Variants in KPNA2 observed in about 807,000 individuals in gnomAD.
KPNA2 encodes karyopherin subunit alpha 2, also known as importin subunit alpha-1.
KPNA2 carries 20 observed loss-of-function variants against 53.7 expected under a neutral mutation model. The observed-to-expected ratio is 0.37, with a 90% CI of 0.26 to 0.54. The LOEUF (loss-of-function observed/expected upper bound fraction) is 0.54, where lower values mean the gene tolerates loss of function less well. Ranked by LOEUF, KPNA2 falls within the 20% of genes least tolerant of loss-of-function variation. The pLI is 0.83. For missense variants in KPNA2, 515 were observed against 640.3 expected, an observed-to-expected ratio of 0.80 and a Z score of 2.11; for synonymous variants, 238 against 227.5, an observed-to-expected ratio of 1.05 and a Z score of -0.42.
In KPNA2 at chr17:68,044,085, A is replaced by G; in HGVS notation, c.1164+14A>G. ...GTTCTCTCTAAGGTAACGAAGTCTT[A>G]GGATTTAATCAAGTCATTTTTAGTA... On this transcript the variant is annotated intron_variant, in intron 8 of 10. Coordinates refer to ENST00000330459, the MANE Select transcript of KPNA2 (RefSeq NM_002266.4). 1 of 1,582,200 alleles carries G rather than the reference A, an allele frequency of 6.3e-7. No homozygotes were observed. The highest frequency in any genetic ancestry group is 2.2e-5 in the East Asian group (1 of 44,728).
chr17:68,037,330 G>A (rs937311094), intron 2 of KPNA2, 28 bp from the exon 3 acceptor site: 1 of 1,606,606 alleles, frequency 6.2e-7, no homozygotes, highest in Non-Finnish European at 8.5e-7. Flanking sequence ...GGTGTGATAG[G>A]TGAAACGGCA....
At chr17:68,042,060 T>C (rs1555704623) in intron 4 of KPNA2, 25 bp from the exon 5 acceptor site, 3 of 1,585,440 alleles carry the variant, frequency 1.9e-6, no homozygotes, top group African/African-American at 1.3e-5. Context: ...TGTCAACTTT[T>C]ATTTCTCTTT....
chr17:68,045,981 CT>C (rs782202703), intron 10 of KPNA2, 60 bp downstream of exon 10: 107 of 1,068,954 alleles, frequency 1.0e-4, no homozygotes, highest in Middle Eastern at 2.2e-4. Context: ...GGCCATAAGC[CT>C]TTTTTTCCCT....
intron 3 of KPNA2, among the ~76,000 whole-genome samples, chr17:68,039,409 C>G (rs1417602304): frequency 6.6e-6 from 1 of 152,002 alleles, no homozygotes; most frequent in Non-Finnish European, 1.5e-5. Flanking sequence ...GCGCGAGCCA[C>G]TTCGCCCAGC....
intron 8 of KPNA2, 93 bp downstream of exon 8, chr17:68,044,164 T>C: frequency 1.5e-6 from 2 of 1,299,774 alleles, no homozygotes; most frequent in Non-Finnish European, 2.2e-6. Context: ...TCTTGGGTTC[T>C]ACTAGGAGTC....
rs368976613 is a variant in KPNA2, at chr17:68,044,471, G to T, written c.1315G>T (p.Val439Phe). The stretch of plus-strand genomic sequence containing the variant: ...TGCAAAAGATACCAAGATTATTCTG[G>T]TTATCCTGGATGCCATTTCAAATAT... The part of the protein sequence containing the change: ...LTAKDTKIIL[V>F]ILDAISNIFQ... Residue 439 changes from valine to phenylalanine, a missense_variant, in exon 9 of 11, where the codon GTT becomes TTT. By Grantham distance (50) the Val-to-Phe change is conservative (BLOSUM62 -1). Transcript: ENST00000330459. The T allele has an allele frequency of 2.5e-6, 4 of 1,613,874 alleles. No individual in the cohort carries two copies. The highest frequency in any genetic ancestry group is 3.4e-6 in the Non-Finnish European group (4 of 1,179,946).
intron 9 of KPNA2, among the ~76,000 whole-genome samples, chr17:68,045,260 T>C (rs1219423981): frequency 6.6e-6 from 1 of 152,210 alleles, no homozygotes; most frequent in Non-Finnish European, 1.5e-5. Flanking sequence ...TTTATGTATC[T>C]CTTTAAGGTT....
Position 68,043,276 on chromosome 17 carries a change from T to G in KPNA2, c.843T>G (p.Gly281=). Residue 281 remains glycine (G), a synonymous_variant, in exon 7 of 11, where the codon GGT becomes GGG. Coordinates refer to ENST00000330459, the MANE Select transcript of KPNA2 (RefSeq NM_002266.4). ...GGGCTATTTCCTACCTTACTGATGGTCCAAATGAACGAATTGGCATGGTGG... is the reference window on the plus strand; with the variant it reads ...GGGCTATTTCCTACCTTACTGATGGGCCAAATGAACGAATTGGCATGGTGG... ...TCWAISYLTD[G]PNERIGMVVK... 6.2e-7 allele frequency: 1 copy of G among 1,614,160 alleles called. No individual in the cohort carries two copies. The highest frequency in any genetic ancestry group is 1.1e-5 in the South Asian group (1 of 91,086).
At position 68,042,941 on chromosome 17, in the gene KPNA2, A is replaced by T; in HGVS notation, c.608A>T (p.Tyr203Phe). The change falls in exon 6 of 11, where the codon TAC becomes TTC. Residue 203 changes from tyrosine to phenylalanine, a missense_variant. Tyr to Phe is a conservative substitution (Grantham distance 22). Coordinates refer to ENST00000330459, the MANE Select transcript of KPNA2 (RefSeq NM_002266.4). ...GSVFRDLVIKYGAVDPLLALL... is the reference protein window; with the variant it reads ...GSVFRDLVIKFGAVDPLLALL... ...GTGTTCCGAGACTTGGTTATTAAGT[A>T]CGGTGCAGTTGACCCACTGTTGGCT... is the stretch of plus-strand genomic sequence containing the variant. The T allele has an allele frequency of 6.2e-7, 1 of 1,613,332 alleles. No individual in the cohort carries two copies. The highest frequency in any genetic ancestry group is 8.5e-7 in the Non-Finnish European group (1 of 1,179,840).
intron 4 of KPNA2, among the ~76,000 whole-genome samples, chr17:68,041,774 T>TATA (rs1356225808): frequency 6.6e-6 from 1 of 152,116 alleles, no homozygotes; most frequent in Non-Finnish European, 1.5e-5. Context: ...TCAGTGAGAG[T>TATA]ATAACCCTGT....
chr17:68,042,047 C>G, intron 4 of KPNA2, 38 bp from the exon 5 acceptor site: 2 of 1,553,114 alleles, frequency 1.3e-6, no homozygotes, highest in Non-Finnish European at 8.8e-7. Context: ...TTTTGTTAAT[C>G]ACTGTCAACT....
intron 3 of KPNA2, among the ~76,000 whole-genome samples, chr17:68,039,355 A>G (rs1171635478): frequency 2.0e-5 from 3 of 151,540 alleles, no homozygotes; most frequent in African/African-American, 7.3e-5. Context: ...TCCTGACCTC[A>G]GGTGATCCAC....
chr17:68,041,443 CA>C (rs2071258933), intron 4 of KPNA2, among the ~76,000 whole-genome samples: 1 of 152,122 alleles, frequency 6.6e-6, no homozygotes, highest in African/African-American at 2.4e-5. Context: ...CCTGTAATCT[CA>C]CGTGTTTGGG....
rs1224991335 is a variant in KPNA2 at position 68,035,763 on chromosome 17, AC to A, written c.-98del. On this transcript the variant is annotated 5_prime_UTR_variant, in exon 1 of 11. Coordinates refer to ENST00000330459, the MANE Select transcript of KPNA2 (RefSeq NM_002266.4). ...CGGTCTTTGAGCTGAGTCGAGGTGGACCCTTTGAACGCAGTCGCCCTACAGC... is the reference window on the plus strand; with the variant it reads ...CGGTCTTTGAGCTGAGTCGAGGTGGACCTTTGAACGCAGTCGCCCTACAGC... 1 of 151,906 alleles carries A rather than the reference AC, an allele frequency of 6.6e-6. No homozygotes were observed. Among genetic ancestry groups the A allele is most frequent in the Non-Finnish European group, 1.5e-5 (1 of 68,108 alleles). The allele number at this position is 151,906 out of a possible 1,614,324, so 9.4% of individuals were successfully genotyped here.
chr17:68,038,625 G>A (rs1043266271), intron 3 of KPNA2, among the ~76,000 whole-genome samples: 30 of 152,214 alleles, frequency 2.0e-4, no homozygotes, highest in African/African-American at 7.2e-4. Flanking sequence ...CTTGAACCTG[G>A]GAGGTGGAGG....
Position 68,043,996 on chromosome 17 carries a change from A to T in KPNA2, c.1089A>T (p.Thr363=), listed in dbSNP as rs782463222. Residue 363 remains threonine, a synonymous_variant, in exon 8 of 11, where the codon ACA becomes ACT. Coordinates refer to ENST00000330459, the MANE Select transcript of KPNA2 (RefSeq NM_002266.4). ...CTACGTGGACAATGTCAAACATCAC[A>T]GCCGGCCGCCAGGACCAGATACAGC... is the stretch of plus-strand genomic sequence containing the variant. ...KEATWTMSNI[T]AGRQDQIQQV... 46 of 1,613,900 alleles carry T rather than the reference A, an allele frequency of 2.9e-5. No individual in the cohort carries two copies. The Middle Eastern group carries it at 6.6e-4, about 23-fold the overall frequency.
In KPNA2 at chr17:68,043,197, C is replaced by T. The variant is rs141613156; in HGVS notation, c.764C>T (p.Thr255Ile). The change falls in exon 7 of 11, where the codon ACC (threonine) becomes ATC (isoleucine). Residue 255 changes from threonine to isoleucine, a missense_variant. Physicochemically the swap from Thr to Ile is moderately conservative, Grantham distance 89. Transcript: ENST00000330459. Reference sequence around the variant, plus strand: ...GATGCTGTTGAGCAGATTCTTCCTACCTTAGTTCGGCTCCTGCATCATGAT... The same window carrying T: ...GATGCTGTTGAGCAGATTCTTCCTATCTTAGTTCGGCTCCTGCATCATGAT... ...PIDAVEQILP[T>I]LVRLLHHDDP... The T allele has an allele frequency of 3.1e-6, 5 of 1,614,140 alleles. No homozygotes were observed. Among genetic ancestry groups the T allele is most frequent in the Non-Finnish European group, 3.4e-6 (4 of 1,180,006 alleles).
rs375456615 is a variant in KPNA2 at position 68,040,779 on chromosome 17, T to G, written c.302+13T>G. The G allele has an allele frequency of 6.5e-7, 1 of 1,536,678 alleles. No individual in the cohort carries two copies. ...CTCAAGCTGCCAGGTAAGTCTTGTC[T>G]GCGATAGCATGGGTAGCCTAAGAAA... On this transcript the variant is annotated intron_variant, in intron 4 of 10. Coordinates refer to ENST00000330459, the MANE Select transcript of KPNA2 (RefSeq NM_002266.4).
chr17:68,040,453 A>G (rs1555704376), intron 3 of KPNA2, among the ~76,000 whole-genome samples: 3 of 152,084 alleles, frequency 2.0e-5, no homozygotes, highest in Non-Finnish European at 4.4e-5. Context: ...AAACACTTGG[A>G]TACTCCATAA....
Sources: allele counts gnomAD v4.1 joint callset (sites outside exome capture counted in the v4.1 genomes callset), GRCh38; gene constraint gnomAD v4.1.1; transcripts MANE v1.5; gene names NCBI Gene and HGNC (gene_info 2026-07-23, HGNC 2026-07-21).